The following RHOU variants were observed in gnomAD, a reference collection of about 807,000 sequenced individuals.
The protein encoded by RHOU is ras homolog family member U.
RHOU carries 8 observed loss-of-function variants against 12.6 expected under a neutral mutation model. The observed-to-expected ratio is 0.64, with a 90% CI of 0.37 to 1.15. The LOEUF is 1.15. Among genes scored for constraint, RHOU ranks in the 50% most tolerant of loss-of-function variants. The pLI, the probability that RHOU is intolerant of heterozygous loss-of-function variation, is 0.01. For synonymous variants in RHOU, 161 were observed against 147.4 expected, an observed-to-expected ratio of 1.09 and a Z score of -0.67; for missense variants, 258 against 347.0, an observed-to-expected ratio of 0.74 and a Z score of 2.04.
the RHOU span, among the ~76,000 whole-genome samples, chr1:228,647,564 C>A: frequency 6.6e-6 from 1 of 152,200 alleles, no homozygotes; most frequent in African/African-American, 2.4e-5. Context: ...CCCGCTGCCC[C>A]TGCCCGCCCC....
chr1:228,740,469 G>A (rs1662698802), intron 2 of RHOU, among the ~76,000 whole-genome samples: 1 of 127,168 alleles, frequency 7.9e-6, no homozygotes, highest in African/African-American at 3.7e-5. Context: ...GGTAAGATAA[G>A]TCAGTTGTTC....
chr1:228,684,233 C>T, the RHOU span, among the ~76,000 whole-genome samples: 35 of 152,150 alleles, frequency 2.3e-4, no homozygotes, highest in East Asian at 5.1e-3. Context: ...GATAGGGTTT[C>T]ACCCTGATGG....
At chr1:228,647,889 G>A in the RHOU span, 16 of 152,288 alleles carry the variant, frequency 1.1e-4, no homozygotes, top group Admixed American at 7.9e-4. Flanking sequence ...ACGGTAAAGA[G>A]GGAGGAACTT....
chr1:228,735,015 T>A (rs114559973), upstream of RHOU: 37 of 152,350 alleles, frequency 2.4e-4, no homozygotes, highest in African/African-American at 6.7e-4. This position sits in a 1 kb window ranked among gnomAD's most constrained non-coding sequence, Gnocchi z 8.1. Context: ...TTCAATCTCA[T>A]TCGCAGGACA....
the RHOU span, among the ~76,000 whole-genome samples, chr1:228,697,418 G>A: frequency 1.3e-5 from 2 of 152,186 alleles, no homozygotes; most frequent in East Asian, 3.8e-4. Flanking sequence ...TGTGATGTGT[G>A]GTTTGGATTT....
chr1:228,714,722 G>GT, the RHOU span, among the ~76,000 whole-genome samples: 4 of 117,050 alleles, frequency 3.4e-5, no homozygotes, highest in Non-Finnish European at 7.4e-5. Flanking sequence ...CTAATGGCTT[G>GT]TTTATTTTGT....
the RHOU span, among the ~76,000 whole-genome samples, chr1:228,730,221 G>A: frequency 6.6e-6 from 1 of 152,224 alleles, no homozygotes; most frequent in African/African-American, 2.4e-5. Flanking sequence ...GGGAAACAGT[G>A]CCTAACCCTG....
the RHOU span, among the ~76,000 whole-genome samples, chr1:228,699,323 C>A: frequency 6.6e-6 from 1 of 150,586 alleles, no homozygotes; most frequent in African/African-American, 2.4e-5. Flanking sequence ...TGGTGTGTGC[C>A]TGTGGTCTCA....
At chr1:228,730,619 T>C (rs1662476884), upstream of RHOU, among the ~76,000 whole-genome samples, 2 of 152,196 alleles carry the variant, frequency 1.3e-5, no homozygotes. Context: ...ATGCTGGCAA[T>C]AGACAACCCA....
chr1:228,710,871 G>T, the RHOU span, among the ~76,000 whole-genome samples: 1 of 152,144 alleles, frequency 6.6e-6, no homozygotes, highest in African/African-American at 2.4e-5. Context: ...AAGTCAAATT[G>T]TACCTGTTTG....
the RHOU span, among the ~76,000 whole-genome samples, chr1:228,685,114 C>T: frequency 6.6e-6 from 1 of 152,158 alleles, no homozygotes; most frequent in African/African-American, 2.4e-5. Context: ...TGTAAACTGC[C>T]ATGGTGCTGG....
At chr1:228,682,317 G>A in the RHOU span, among the ~76,000 whole-genome samples, 92 of 152,352 alleles carry the variant, frequency 6.0e-4, no homozygotes, top group Admixed American at 1.5e-3. Context: ...CTGGTCTCCC[G>A]AAGGAGTCCC....
chr1:228,713,081 C>T, the RHOU span, among the ~76,000 whole-genome samples: 1 of 152,002 alleles, frequency 6.6e-6, no homozygotes, highest in Non-Finnish European at 1.5e-5. Flanking sequence ...CATTTCCTGG[C>T]ATACAACTTC....
chr1:228,736,029 C>CG, intron 1 of RHOU, 25 bp downstream of exon 1: 1 of 1,565,670 alleles, frequency 6.4e-7, no homozygotes, highest in Non-Finnish European at 8.6e-7. Flanking sequence ...GGGCCGGGGC[C>CG]GGGGGCGCGT....
At chr1:228,707,261 T>TATATATATATATATATA in the RHOU span, among the ~76,000 whole-genome samples, 1 of 75,760 alleles carries the variant, frequency 1.3e-5, no homozygotes, top group African/African-American at 1.1e-4. Flanking sequence ...ATATAGTGTG[T>TATATATATATATATATA]GTGTGTGTGT....
chr1:228,710,508 A>G, the RHOU span, among the ~76,000 whole-genome samples: 2 of 152,220 alleles, frequency 1.3e-5, no homozygotes, highest in African/African-American at 2.4e-5. Flanking sequence ...GGTTCAATAT[A>G]CGCAAATCAA....
At chr1:228,660,863 G>A in the RHOU span, among the ~76,000 whole-genome samples, 12 of 150,912 alleles carry the variant, frequency 8.0e-5, no homozygotes, top group Non-Finnish European at 1.6e-4. Flanking sequence ...AACCCAGGAG[G>A]CAGAGGTTGC....
At chr1:228,668,784 T>A in the RHOU span, among the ~76,000 whole-genome samples, 2 of 152,204 alleles carry the variant, frequency 1.3e-5, no homozygotes, top group Non-Finnish European at 2.9e-5. Flanking sequence ...CTGATCTAAC[T>A]TTGACCTCCC....
the RHOU span, among the ~76,000 whole-genome samples, chr1:228,686,031 G>A: frequency 6.6e-6 from 1 of 152,126 alleles, no homozygotes; most frequent in East Asian, 1.9e-4. Context: ...ACCATTAAGA[G>A]GAAACACAAT....
Sources: allele counts gnomAD v4.1 joint callset (sites outside exome capture counted in the v4.1 genomes callset), GRCh38; gene constraint gnomAD v4.1.1; non-coding constraint Gnocchi (gnomAD v3.1); transcripts MANE v1.5; gene names NCBI Gene and HGNC (gene_info 2026-07-23, HGNC 2026-07-21).